Variants in FBN1 observed in about 807,000 individuals in gnomAD.
FBN1 encodes the protein fibrillin-1.
FBN1 carries 29 observed loss-of-function variants against 365.1 expected under a neutral mutation model. The ratio of observed to expected loss-of-function variants is 0.08; its 90% CI spans 0.06 to 0.11. The LOEUF is 0.11. Ranked by LOEUF, FBN1 falls within the 10% of genes least tolerant of loss-of-function variation. The pLI, the probability that FBN1 is intolerant of heterozygous loss-of-function variation, is 1.00. For synonymous variants in FBN1, 1,210 were observed against 1,270.5 expected (o/e 0.95, Z 1.01); for missense variants, 2,476 against 3,703.2 (o/e 0.67, Z 8.60).
At chr15:48,540,604 A>G (rs2044051039) in intron 6 of FBN1, among the ~76,000 whole-genome samples, 2 of 152,284 alleles carry the variant, frequency 1.3e-5, no homozygotes, top group East Asian at 3.9e-4. Flanking sequence ...CATTACAATG[A>G]ATCCTTTTCA....
chr15:48,550,579 C>T (rs1232502791), intron 6 of FBN1, among the ~76,000 whole-genome samples: 8 of 152,106 alleles, frequency 5.3e-5, no homozygotes, highest in African/African-American at 1.7e-4. Flanking sequence ...GACCCTAAAA[C>T]GCTCTGTGAA....
intron 2 of FBN1, among the ~76,000 whole-genome samples, chr15:48,616,652 G>A (rs1566938931): frequency 6.6e-6 from 1 of 152,010 alleles, no homozygotes; most frequent in Non-Finnish European, 1.5e-5. Context: ...TTACTCTTTC[G>A]GGTCAATGAA....
intron 4 of FBN1, among the ~76,000 whole-genome samples, chr15:48,600,695 C>T (rs2044557411): frequency 1.3e-5 from 2 of 151,570 alleles, no homozygotes; most frequent in African/African-American, 2.4e-5. Context: ...ACAGAGCGAG[C>T]GAAAGAAAGA....
Position 48,631,912 on chromosome 15 carries a change from T to A in FBN1, c.164+12694A>T, listed in dbSNP as rs1286507669. Reference sequence around the variant, plus strand: ...TGGTTTTCAACCCAGTCTTTCCATTTACTAAAATTTAAATTCTTTTCACAA... The same window carrying A: ...TGGTTTTCAACCCAGTCTTTCCATTAACTAAAATTTAAATTCTTTTCACAA... On this transcript the variant is annotated intron_variant, in intron 2 of 65. Coordinates refer to ENST00000316623, the MANE Select transcript of FBN1 (RefSeq NM_000138.5). Among the ~76,000 whole-genome samples, 3 of 152,230 alleles carry A rather than the reference T, an allele frequency of 2.0e-5. No individual in the cohort carries two copies. In the East Asian group the frequency reaches 5.8e-4, roughly 29 times the overall value.
intron 6 of FBN1, among the ~76,000 whole-genome samples, chr15:48,595,038 A>G (rs762803355): frequency 5.9e-5 from 9 of 152,240 alleles, no homozygotes; most frequent in Admixed American, 3.3e-4. Flanking sequence ...GGATATCAAC[A>G]TGCAATGTAA....
chr15:48,637,770 T>G (rs1366120705), intron 2 of FBN1, among the ~76,000 whole-genome samples: 2 of 152,194 alleles, frequency 1.3e-5, no homozygotes, highest in African/African-American at 2.4e-5. Context: ...AAGCAAGATC[T>G]CTGCCTTCAA....
At chr15:48,594,335 G>A (rs2044501492) in intron 6 of FBN1, among the ~76,000 whole-genome samples, 1 of 152,198 alleles carries the variant, frequency 6.6e-6, no homozygotes, top group African/African-American at 2.4e-5. Flanking sequence ...GGGCAAGCCT[G>A]CCTTCTGCTC....
chr15:48,589,609 CT>C (rs756647308), intron 6 of FBN1, among the ~76,000 whole-genome samples: 156 of 108,674 alleles, frequency 1.4e-3, no homozygotes, highest in South Asian at 3.1e-3. Context: ...TTGTTACTTT[CT>C]TTTTTTTTTT....
chr15:48,462,216 C>T (rs530355858), intron 42 of FBN1, among the ~76,000 whole-genome samples: 33 of 152,292 alleles, frequency 2.2e-4, no homozygotes, highest in African/African-American at 7.0e-4. Flanking sequence ...CAATTCCTTG[C>T]ATGATAATTT....
chr15:48,453,109 A>G (rs906072293), intron 44 of FBN1, among the ~76,000 whole-genome samples: 1 of 152,098 alleles, frequency 6.6e-6, no homozygotes, highest in Non-Finnish European at 1.5e-5. Context: ...ATACAAAGTT[A>G]GCTGGGCATG....
intron 40 of FBN1, among the ~76,000 whole-genome samples, chr15:48,464,472 T>A (rs1166437336): frequency 6.6e-6 from 1 of 152,060 alleles, no homozygotes; most frequent in Non-Finnish European, 1.5e-5. Context: ...GCCAAGATCA[T>A]GCCATTGCAC....
chr15:48,571,452 T>C (rs1376382204), intron 6 of FBN1, among the ~76,000 whole-genome samples: 1 of 152,010 alleles, frequency 6.6e-6, no homozygotes, highest in Non-Finnish European at 1.5e-5. Context: ...AAGCCATAGA[T>C]AAATCACGAG....
rs191570476 is a variant in FBN1 at position 48,540,528 on chromosome 15, A to C, written c.539-2720T>G. Among the ~76,000 whole-genome samples, 200 of 152,210 alleles carry C rather than the reference A, an allele frequency of 1.3e-3. 1 individual carries two copies. Among genetic ancestry groups the C allele is most frequent in the African/African-American group, 4.5e-3 (189 of 41,550 alleles). On this transcript the variant is annotated intron_variant, in intron 6 of 65. Transcript: ENST00000316623. ...AAGTTATAACAGAATGTGTTCAGTA[A>C]TTTTCTTACTGTCTATCATTTAAAT... is the stretch of plus-strand genomic sequence containing the variant.
rs371143938 is a variant in FBN1, at chr15:48,531,590, A to G, written c.862+2490T>C. Among the ~76,000 whole-genome samples, 29 of 152,312 alleles carry G rather than the reference A, an allele frequency of 1.9e-4. No homozygotes were observed. The East Asian group carries it at 5.2e-3, about 27-fold the overall frequency. ...TACTCATCATCTTTCTAGGGAACAT[A>G]TTCAGTGATTACGGGCCAGACTTCC... On this transcript the variant is annotated intron_variant, in intron 8 of 65. Coordinates refer to ENST00000316623, the MANE Select transcript of FBN1 (RefSeq NM_000138.5).
intron 44 of FBN1, among the ~76,000 whole-genome samples, chr15:48,453,807 A>T (rs1438927337): frequency 6.6e-6 from 1 of 152,106 alleles, no homozygotes; most frequent in South Asian, 2.1e-4. Flanking sequence ...TGTGGACCTA[A>T]AACTGCACTA....
At chr15:48,471,808 C>G (rs897045125) in intron 35 of FBN1, among the ~76,000 whole-genome samples, 3 of 152,286 alleles carry the variant, frequency 2.0e-5, no homozygotes, top group African/African-American at 7.2e-5. Context: ...ATCTTCTTTT[C>G]AATGAAGGAG....
chr15:48,557,715 A>G (rs1203007449), intron 6 of FBN1, among the ~76,000 whole-genome samples: 1 of 152,170 alleles, frequency 6.6e-6, no homozygotes, highest in Non-Finnish European at 1.5e-5. Flanking sequence ...GGAAAGGATG[A>G]CTGGGTGTTC....
intron 63 of FBN1, among the ~76,000 whole-genome samples, 173 bp downstream of exon 63, chr15:48,420,513 TA>T (rs945685889): frequency 6.6e-6 from 1 of 152,120 alleles, no homozygotes; most frequent in African/African-American, 2.4e-5. Context: ...TTTTTTTTCT[TA>T]GTTTGCTGTT....
At chr15:48,412,884 G>T in intron 64 of FBN1, 141 bp from the exon 65 acceptor site, 1 of 966,424 alleles carries the variant, frequency 1.0e-6, no homozygotes, top group Non-Finnish European at 1.6e-6. Flanking sequence ...CTAGTTCTGA[G>T]AACTACATTG....
Sources: gnomAD v4.1 joint callset for allele counts (sites outside exome capture counted in the v4.1 genomes callset) on GRCh38, gnomAD v4.1.1 for gene constraint, MANE v1.5 for transcripts, NCBI Gene and HGNC (gene_info 2026-07-23, HGNC 2026-07-21) for gene names.